Variants in CHAF1B observed in about 807,000 individuals in gnomAD.
The protein encoded by CHAF1B is chromatin assembly factor 1 subunit B.
CHAF1B carries 10 observed loss-of-function variants against 60.7 expected under a neutral mutation model. The ratio of observed to expected loss-of-function variants is 0.16; its 90% CI spans 0.10 to 0.28. The LOEUF (loss-of-function observed/expected upper bound fraction) is 0.28. Ranked by LOEUF, CHAF1B falls within the 10% of genes least tolerant of loss-of-function variation. The pLI, the probability that CHAF1B is intolerant of heterozygous loss-of-function variation, is 1.00. For missense variants in CHAF1B, 558 were observed against 708.4 expected, an observed-to-expected ratio of 0.79 and a Z score of 2.41; for synonymous variants, 261 against 266.1, an observed-to-expected ratio of 0.98 and a Z score of 0.19.
chr21:36,396,653 C>CA (rs144697615), intron 5 of CHAF1B, among the ~76,000 whole-genome samples: 14,088 of 135,360 alleles, frequency 0.1, 1,260 homozygotes, highest in African/African-American at 0.26. Context: ...CACCCTGTCT[C>CA]AAAAAAAAAA....
intron 4 of CHAF1B, among the ~76,000 whole-genome samples, chr21:36,393,232 G>GGAGGGA (rs748425761): frequency 1.3e-5 from 2 of 151,834 alleles, no homozygotes. Flanking sequence ...GGGAGACGGT[G>GGAGGGA]GAGGGAGAGG....
chr21:36,396,696 ACT>A (rs2086142697), intron 5 of CHAF1B, among the ~76,000 whole-genome samples: 1 of 151,746 alleles, frequency 6.6e-6, no homozygotes. Context: ...AGGCTTCATA[ACT>A]CTCTTGTCTT....
chr21:36,404,735 T>A (rs1308269029), intron 8 of CHAF1B, among the ~76,000 whole-genome samples: 8 of 4,316 alleles, frequency 1.9e-3, no homozygotes, highest in Non-Finnish European at 7.7e-3. Flanking sequence ...CGCTGGCCTT[T>A]TTTTTTTTTT....
chr21:36,414,690 C>A (rs866341324), intron 12 of CHAF1B, among the ~76,000 whole-genome samples: 15 of 152,266 alleles, frequency 9.9e-5, no homozygotes, highest in African/African-American at 3.4e-4. Flanking sequence ...CTGCTCACTG[C>A]AACCTCCGCC....
At chr21:36,403,817 T>C (rs560236601) in intron 8 of CHAF1B, among the ~76,000 whole-genome samples, 1 of 152,294 alleles carries the variant, frequency 6.6e-6, no homozygotes, top group African/African-American at 2.4e-5. Context: ...TCCAGGACCA[T>C]CCTGTGCATA....
In CHAF1B at chr21:36,387,634, A is replaced by G; in HGVS notation, c.163A>G (p.Ile55Val). Residue 55 changes from isoleucine to valine, a missense_variant, in exon 3 of 14, where the codon ATC (isoleucine) becomes GTC (valine). Physicochemically the swap from Ile to Val is conservative, Grantham distance 29. Around this residue, in one of 2 missense-constraint regions of CHAF1B, gnomAD observed 325 missense variants for 493.5 expected, o/e 0.66. Transcript: ENST00000314103. ...KVEKGPDGKA[I>V]VEFLSNLARH... ...AGAAAAGGGACCAGATGGAAAAGCC[A>G]TCGTGGAATTTTTGTCCAATCTTGC... The G allele has an allele frequency of 6.2e-7, 1 of 1,614,194 alleles. No homozygotes were observed. Among genetic ancestry groups the G allele is most frequent in the Non-Finnish European group, 8.5e-7 (1 of 1,180,032 alleles).
chr21:36,389,807 G>GCGCT, intron 3 of CHAF1B, among the ~76,000 whole-genome samples: 1 of 150,910 alleles, frequency 6.6e-6, no homozygotes, highest in South Asian at 2.1e-4. Flanking sequence ...GTGTGCGCGC[G>GCGCT]CACGCTGATT....
Position 36,416,653 on chromosome 21 carries a change from A to C in CHAF1B, c.*287A>C. 1 of 272,416 alleles carries C rather than the reference A, an allele frequency of 3.7e-6. No homozygotes were observed. The highest frequency in any genetic ancestry group is 1.2e-4 in the South Asian group (1 of 8,036). 16.9% of individuals were successfully genotyped at this position (272,416 alleles called of 1,614,324 possible). On this transcript the variant is annotated 3_prime_UTR_variant, in exon 14 of 14. Transcript: ENST00000314103. ...ACGTTATCCAGTGTGAAAATCAGTG[A>C]GTCCTCCCTGGCATCCTCGTGAAAG...
chr21:36,397,343 GT>G (rs939140606), intron 5 of CHAF1B, 71 bp from the exon 6 acceptor site: 1 of 664,050 alleles, frequency 1.5e-6, no homozygotes, highest in Non-Finnish European at 2.5e-6. Flanking sequence ...TTAAGTCATA[GT>G]TTATACTATT....
At chr21:36,403,094 C>T (rs575798407) in intron 8 of CHAF1B, among the ~76,000 whole-genome samples, 6 of 152,102 alleles carry the variant, frequency 3.9e-5, no homozygotes, top group African/African-American at 1.4e-4. Context: ...AGAAGATTTC[C>T]AAGTGATTGT....
chr21:36,387,813 G>C (rs1030307403), intron 3 of CHAF1B, 83 bp downstream of exon 3: 45 of 1,436,630 alleles, frequency 3.1e-5, no homozygotes, highest in Non-Finnish European at 4.0e-5. Context: ...GATTTGAGCT[G>C]GATATGCTTT....
chr21:36,385,981 T>G, intron 1 of CHAF1B, 79 bp from the exon 2 acceptor site: 1 of 803,016 alleles, frequency 1.2e-6, no homozygotes, highest in Non-Finnish European at 2.0e-6. Flanking sequence ...GCAGTGTGCA[T>G]TTTAAATGGC....
At chr21:36,409,625 T>G (rs1025721101) in intron 10 of CHAF1B, among the ~76,000 whole-genome samples, 160 bp downstream of exon 10, 1 of 151,972 alleles carries the variant, frequency 6.6e-6, no homozygotes, top group African/African-American at 2.4e-5. Flanking sequence ...TTAAATCTAT[T>G]TATTTATTTA....
At chr21:36,392,663 CG>C (rs896579274) in intron 4 of CHAF1B, among the ~76,000 whole-genome samples, 1 of 149,464 alleles carries the variant, frequency 6.7e-6, no homozygotes, top group Non-Finnish European at 1.5e-5. Context: ...GGGCGGCTGC[CG>C]GGCGGAGGGG....
chr21:36,397,161 C>A (rs1022620209), intron 5 of CHAF1B, among the ~76,000 whole-genome samples: 2 of 152,184 alleles, frequency 1.3e-5, no homozygotes, highest in African/African-American at 4.8e-5. Context: ...CTCCCCTCCC[C>A]CGGTCCACAT....
chr21:36,392,239 G>A (rs918405842), intron 4 of CHAF1B, among the ~76,000 whole-genome samples: 2 of 151,982 alleles, frequency 1.3e-5, no homozygotes, highest in African/African-American at 2.4e-5. Flanking sequence ...CAGGGGGTTG[G>A]GGGTAAGGTT....
At chr21:36,403,455 T>TA (rs71326686) in intron 8 of CHAF1B, among the ~76,000 whole-genome samples, 10,682 of 77,354 alleles carry the variant, frequency 0.14, 1,233 homozygotes, top group Non-Finnish European at 0.22. Context: ...ATATCTTATC[T>TA]AAAAAAAAAA....
chr21:36,392,646 C>T (rs192260742), intron 4 of CHAF1B, among the ~76,000 whole-genome samples: 1 of 151,074 alleles, frequency 6.6e-6, no homozygotes, highest in South Asian at 2.1e-4. Flanking sequence ...TCCTCTCTTC[C>T]CAGACGGGGC....
intron 8 of CHAF1B, among the ~76,000 whole-genome samples, chr21:36,407,983 A>G (rs1298300106): frequency 6.6e-6 from 1 of 151,390 alleles, no homozygotes; most frequent in African/African-American, 2.4e-5. Flanking sequence ...ATCTCAAAGA[A>G]AAAAAAAAGA....
Sources: gnomAD v4.1 joint callset for allele counts (sites outside exome capture counted in the v4.1 genomes callset) on GRCh38, gnomAD v4.1.1 for gene constraint, gnomAD v4.1.1 regional missense constraint, MANE v1.5 for transcripts, NCBI Gene and HGNC (gene_info 2026-07-23, HGNC 2026-07-21) for gene names.